ADAM32: variants seen among roughly 807,000 people sequenced by gnomAD.
ADAM32 encodes ADAM metallopeptidase domain 32, also known as disintegrin and metalloproteinase domain-containing protein 32.
A neutral mutation model predicts 114.9 loss-of-function variants in ADAM32; 89 were observed. That is an observed-to-expected ratio of 0.77 (90% CI 0.65 to 0.92). ADAM32 has a LOEUF of 0.92. Ranked by LOEUF, ADAM32 falls within the 40% of genes least tolerant of loss-of-function variation. The pLI, the probability that ADAM32 is intolerant of heterozygous loss-of-function variation, is 0.00. For missense variants in ADAM32, 870 were observed against 932.8 expected (o/e 0.93, Z 0.88); for synonymous variants, 285 against 307.5 (o/e 0.93, Z 0.77).
chr8:39,123,483 T>C (rs1801911540), intron 2 of ADAM32, among the ~76,000 whole-genome samples: 1 of 152,152 alleles, frequency 6.6e-6, no homozygotes, highest in African/African-American at 2.4e-5. Flanking sequence ...TCCATAACAT[T>C]CTTCCTTGTG....
intron 2 of ADAM32, among the ~76,000 whole-genome samples, chr8:39,129,446 A>G (rs754958857): frequency 2.9e-4 from 44 of 152,210 alleles, no homozygotes; most frequent in Non-Finnish European, 5.7e-4. Context: ...CTTTTTCTAC[A>G]TTTATTGTAA....
At chr8:39,162,852 T>C (rs1804599570) in intron 7 of ADAM32, among the ~76,000 whole-genome samples, 1 of 152,008 alleles carries the variant, frequency 6.6e-6, no homozygotes, top group Admixed American at 6.5e-5. Flanking sequence ...AACACAAAAA[T>C]TAGCCAGGCG....
At chr8:39,284,714 A>G (rs753456069) in intron 24 of ADAM32, 79 bp from the exon 25 acceptor site, 4 of 1,509,742 alleles carry the variant, frequency 2.6e-6, no homozygotes, top group Non-Finnish European at 3.7e-6. Flanking sequence ...TCCACTTGGC[A>G]ATACCTCAGC....
intron 11 of ADAM32, among the ~76,000 whole-genome samples, chr8:39,198,739 ATT>A (rs11352281): frequency 6.6e-5 from 10 of 151,114 alleles, no homozygotes; most frequent in Admixed American, 2.6e-4. Flanking sequence ...AGCGTTTAAC[ATT>A]TTTTTTTTCT....
intron 7 of ADAM32, among the ~76,000 whole-genome samples, chr8:39,161,990 T>A (rs1804535181): frequency 1.4e-5 from 1 of 70,106 alleles, no homozygotes; most frequent in Admixed American, 2.3e-4. Flanking sequence ...GTTTTCTTTT[T>A]TATTTTATTT....
At chr8:39,135,080 G>A (rs1564460490) in intron 2 of ADAM32, among the ~76,000 whole-genome samples, 1 of 151,998 alleles carries the variant, frequency 6.6e-6, no homozygotes, top group Non-Finnish European at 1.5e-5. Context: ...ACTTGAACCC[G>A]GGAGGCAGAA....
chr8:39,236,893 G>A (rs77360087), intron 16 of ADAM32, among the ~76,000 whole-genome samples: 1,788 of 152,330 alleles, frequency 0.012, 30 homozygotes, highest in Non-Finnish European at 0.016. Flanking sequence ...GATGGACAGC[G>A]TGTGGAGACT....
chr8:39,274,392 T>C (rs764596469), intron 21 of ADAM32, 42 bp downstream of exon 21: 2 of 1,577,940 alleles, frequency 1.3e-6, no homozygotes, highest in Non-Finnish European at 1.7e-6. Flanking sequence ...ATGTTGAAAA[T>C]TAAGAATTTA....
chr8:39,213,462 C>T (rs899502243), intron 12 of ADAM32, among the ~76,000 whole-genome samples: 1 of 151,278 alleles, frequency 6.6e-6, no homozygotes, highest in Non-Finnish European at 1.5e-5. Context: ...CCTTAACCAA[C>T]TTTTCTTTTC....
chr8:39,238,715 T>C (rs1810360837), intron 16 of ADAM32, among the ~76,000 whole-genome samples: 1 of 151,710 alleles, frequency 6.6e-6, no homozygotes. Flanking sequence ...TCCAGAGAAA[T>C]AGAGATCAGA....
At chr8:39,199,545 G>T (rs146742420) in intron 11 of ADAM32, among the ~76,000 whole-genome samples, 1 of 151,844 alleles carries the variant, frequency 6.6e-6, no homozygotes, top group Admixed American at 6.6e-5. Context: ...GTTTCTGTTT[G>T]ATTCTTTTTT....
At chr8:39,154,881 G>C (rs1238573355) in intron 6 of ADAM32, among the ~76,000 whole-genome samples, 1 of 94,386 alleles carries the variant, frequency 1.1e-5, no homozygotes, top group Non-Finnish European at 2.6e-5. Flanking sequence ...CCCACTTTTT[G>C]ATGGTTTTTT....
chr8:39,173,865 C>G (rs1363195709), intron 10 of ADAM32, among the ~76,000 whole-genome samples: 1 of 152,014 alleles, frequency 6.6e-6, no homozygotes, highest in South Asian at 2.1e-4. Flanking sequence ...CACTCTGTAG[C>G]CCAGGCTGGA....
At chr8:39,153,130 T>C (rs1460570904) in intron 6 of ADAM32, among the ~76,000 whole-genome samples, 2 of 152,250 alleles carry the variant, frequency 1.3e-5, no homozygotes, top group Non-Finnish European at 2.9e-5. Flanking sequence ...AATTCACTAT[T>C]ATTTTCTGTC....
At chr8:39,169,873 T>C in intron 9 of ADAM32, 43 bp from the exon 10 acceptor site, 1 of 1,390,080 alleles carries the variant, frequency 7.2e-7, no homozygotes, top group Non-Finnish European at 9.9e-7. Flanking sequence ...CATTTTTAAA[T>C]TGTCTGTTAA....
intron 2 of ADAM32, among the ~76,000 whole-genome samples, chr8:39,125,338 C>T (rs1309000975): frequency 6.6e-6 from 1 of 151,698 alleles, no homozygotes; most frequent in Non-Finnish European, 1.5e-5. Flanking sequence ...TTTCTGGTTT[C>T]TCCTTGTTGG....
chr8:39,280,288 TA>T (rs1056029386), intron 22 of ADAM32, among the ~76,000 whole-genome samples: 27 of 152,164 alleles, frequency 1.8e-4, no homozygotes, highest in African/African-American at 6.5e-4. Context: ...TATTTTTTTT[TA>T]AATGGTAGAA....
rs1025669134 is a variant in ADAM32 at position 39,180,433 on chromosome 8, G to A, written c.916-6476G>A. Among the ~76,000 whole-genome samples the A allele has an allele frequency of 2.6e-5, 4 of 152,236 alleles. No individual in the cohort carries two copies. In the East Asian group the frequency reaches 7.7e-4, roughly 29 times the overall value. ...CCCCTGCCTCTGTGGGCTCCTTTGC[G>A]GCCCGAGCCTCCCCGACGAGCGCTG... On this transcript the variant is annotated intron_variant, in intron 10 of 24. Transcript: ENST00000379907.
chr8:39,130,360 TC>T (rs1802369449), intron 2 of ADAM32, among the ~76,000 whole-genome samples: 1 of 152,196 alleles, frequency 6.6e-6, no homozygotes, highest in South Asian at 2.1e-4. Flanking sequence ...TCATTGATTT[TC>T]TTTGTTTTTT....
Sources: gnomAD v4.1 joint callset for allele counts (sites outside exome capture counted in the v4.1 genomes callset) on GRCh38, gnomAD v4.1.1 for gene constraint, MANE v1.5 for transcripts, NCBI Gene and HGNC (gene_info 2026-07-23, HGNC 2026-07-21) for gene names.